PCYOX1: variants seen among roughly 807,000 people sequenced by gnomAD.
PCYOX1 encodes the protein prenylcysteine lyase.
PCYOX1 carries 46 observed loss-of-function variants against 46.4 expected under a neutral mutation model. That is an observed-to-expected ratio of 0.99 (90% CI 0.78 to 1.27). The LOEUF (loss-of-function observed/expected upper bound fraction) is 1.27, where lower values mean the gene tolerates loss of function less well. PCYOX1 is among the 50% of genes most tolerant of loss of function. The pLI is 0.00. For missense variants in PCYOX1, 658 were observed against 628.3 expected (o/e 1.05, Z -0.51); for synonymous variants, 220 against 231.8 (o/e 0.95, Z 0.46).
rs899784703 is a variant in PCYOX1, at chr2:70,275,796, A to G, written c.859+130A>G. 8 of 917,786 alleles carry G rather than the reference A, an allele frequency of 8.7e-6. No individual in the cohort carries two copies. In the Middle Eastern group the frequency reaches 1.3e-3, roughly 153 times the overall value. The allele number at this position is 917,786 out of a possible 1,614,324, so 56.9% of individuals were successfully genotyped here. On this transcript the variant is annotated intron_variant, in intron 5 of 5. Coordinates refer to ENST00000433351, the MANE Select transcript of PCYOX1 (RefSeq NM_016297.4). The stretch of plus-strand genomic sequence containing the variant: ...AACTTGAAATTGTATATATTGTACC[A>G]TATAGAAATATTCCCCAATGGGCCA...
At chr2:70,269,970 T>C (rs1348011035) in intron 3 of PCYOX1, among the ~76,000 whole-genome samples, 1 of 152,076 alleles carries the variant, frequency 6.6e-6, no homozygotes, top group African/African-American at 2.4e-5. Context: ...TTTTATTTTT[T>C]ATTTTTTTTT....
At position 70,275,007 on chromosome 2, in the gene PCYOX1, A is replaced by G. The variant is rs1290901101; in HGVS notation, c.543A>G (p.Lys181=). ...ACTATGCCTTCAGTAGTGTCGAAAA[A>G]TTACTTCATGCTCTAGGAGGAGATG... The part of the protein sequence containing the change: ...SHDYAFSSVE[K]LLHALGGDDF... The change falls in exon 4 of 6, where the codon AAA becomes AAG. Residue 181 remains lysine (K), a synonymous_variant. Coordinates refer to ENST00000433351, the MANE Select transcript of PCYOX1 (RefSeq NM_016297.4). The G allele has an allele frequency of 6.2e-7, 1 of 1,613,750 alleles. No individual in the cohort carries two copies.
rs538908688 is a variant in PCYOX1, at chr2:70,281,135, A to G, written c.*3743A>G. The G allele has an allele frequency of 6.6e-6, 1 of 152,250 alleles. No homozygotes were observed. The highest frequency in any genetic ancestry group is 1.9e-4 in the East Asian group (1 of 5,206). The allele number at this position is 152,250 out of a possible 1,614,324, so 9.4% of individuals were successfully genotyped here. Reference sequence around the variant, plus strand: ...GAATCCTCTTTCTACTCTTGTATTAAAATTTTTCCCCACTTCATGATTATA... The same window carrying G: ...GAATCCTCTTTCTACTCTTGTATTAGAATTTTTCCCCACTTCATGATTATA... On this transcript the variant is annotated 3_prime_UTR_variant, in exon 6 of 6. Transcript: ENST00000433351.
intron 2 of PCYOX1, among the ~76,000 whole-genome samples, chr2:70,260,217 C>T (rs1696416893): frequency 6.6e-6 from 1 of 152,096 alleles, no homozygotes; most frequent in South Asian, 2.1e-4. Context: ...TAAATGAGAC[C>T]CAGAGACTTG....
upstream of PCYOX1, chr2:70,258,110 C>G: frequency 7.1e-7 from 1 of 1,403,132 alleles, no homozygotes; most frequent in South Asian, 1.2e-5. Flanking sequence ...CGCAGCCGCG[C>G]AGCGGTGGGA....
chr2:70,265,261 G>A lies in PCYOX1; in HGVS notation c.494+3875G>A, dbSNP rs575422454. Reference sequence around the variant, plus strand: ...TCCGTCACCCAGGCTGGAGTACGGTGGTGCAATCACAGCTCACTGCAGCTT... The same window carrying A: ...TCCGTCACCCAGGCTGGAGTACGGTAGTGCAATCACAGCTCACTGCAGCTT... On this transcript the variant is annotated intron_variant, in intron 3 of 5. Coordinates refer to ENST00000433351, the MANE Select transcript of PCYOX1 (RefSeq NM_016297.4). Among the ~76,000 whole-genome samples the A allele has an allele frequency of 3.4e-5, 5 of 149,170 alleles. No individual in the cohort carries two copies. In the East Asian group the frequency reaches 9.9e-4, roughly 29 times the overall value.
In PCYOX1 at chr2:70,277,273, A is replaced by G. The variant is rs777063743; in HGVS notation, c.1399A>G (p.Met467Val). 1.1e-5 allele frequency: 18 copies of G among 1,614,020 alleles called. No homozygotes were observed. The Admixed American group carries it at 2.5e-4, about 22-fold the overall frequency. Residue 467 changes from methionine (M) to valine (V), a missense_variant, in exon 6 of 6, where the codon ATG becomes GTG. Met to Val is a conservative substitution (Grantham distance 21). Coordinates refer to ENST00000433351, the MANE Select transcript of PCYOX1 (RefSeq NM_016297.4). ...LNGIECAASA[M>V]EMSAIAAHNA... ...TGGCATAGAGTGTGCAGCAAGTGCC[A>G]TGGAGATGAGTGCCATTGCAGCCCA...
intron 3 of PCYOX1, among the ~76,000 whole-genome samples, chr2:70,272,030 A>G (rs1163951283): frequency 6.6e-6 from 1 of 152,190 alleles, no homozygotes; most frequent in African/African-American, 2.4e-5. Context: ...AAATAATGCA[A>G]CACCCTTAAA....
upstream of PCYOX1, chr2:70,257,994 C>G (rs536608012): frequency 2.1e-4 from 102 of 484,794 alleles, no homozygotes; most frequent in African/African-American, 2.0e-3. Context: ...GTGGGGAGCT[C>G]CTGCAGGGTT....
chr2:70,264,939 G>A (rs1181882392), intron 3 of PCYOX1, among the ~76,000 whole-genome samples: 1 of 152,000 alleles, frequency 6.6e-6, no homozygotes, highest in Admixed American at 6.6e-5. Context: ...AACCCAGGAA[G>A]CGGAGGTTGT....
upstream of PCYOX1, chr2:70,258,130 G>A (rs763448197): frequency 5.3e-6 from 8 of 1,511,118 alleles, no homozygotes; most frequent in Admixed American, 3.5e-5. Flanking sequence ...AGGACTGCGG[G>A]GCTCTTGAGG....
In PCYOX1 at chr2:70,277,239, T is replaced by C. The variant is rs1472042213; in HGVS notation, c.1365T>C (p.Tyr455=). The part of the protein sequence containing the change: ...CPSIILHDRL[Y]YLNGIECAAS... ...CTATCATTCTCCATGATCGACTTTA[T>C]TACCTCAATGGCATAGAGTGTGCAG... Residue 455 remains tyrosine, a synonymous_variant, in exon 6 of 6, where the codon TAT becomes TAC. Transcript: ENST00000433351. 6.2e-7 allele frequency: 1 copy of C among 1,614,164 alleles called. No individual in the cohort carries two copies. Among genetic ancestry groups the C allele is most frequent in the South Asian group, 1.1e-5 (1 of 91,086 alleles).
chr2:70,269,989 CTT>C (rs1696579697), intron 3 of PCYOX1, among the ~76,000 whole-genome samples: 1 of 151,676 alleles, frequency 6.6e-6, no homozygotes, highest in African/African-American at 2.4e-5. Context: ...TTCTCTCTCT[CTT>C]TTTCTCTTTC....
chr2:70,258,045 A>ACCGGGGCGGGGCTCGCAGGT, upstream of PCYOX1: 1 of 720,858 alleles, frequency 1.4e-6, no homozygotes, highest in Non-Finnish European at 2.1e-6. Flanking sequence ...GGCTCGCAGG[A>ACCGGGGCGGGGCTCGCAGGT]CCTGGGCGGG....
chr2:70,275,636 A>G lies in PCYOX1; in HGVS notation c.829A>G (p.Ile277Val). 2 of 1,614,136 alleles carry G rather than the reference A, an allele frequency of 1.2e-6. No individual in the cohort carries two copies. Among genetic ancestry groups the G allele is most frequent in the Non-Finnish European group, 1.7e-6 (2 of 1,180,014 alleles). ...SNLISGSVMY[I>V]EEKTKTKYTG... ...TCTTATATCTGGCTCAGTAATGTACATCGAGGAGAAAACAAAGACCAAGTA... is the reference window on the plus strand; with the variant it reads ...TCTTATATCTGGCTCAGTAATGTACGTCGAGGAGAAAACAAAGACCAAGTA... Residue 277 changes from isoleucine to valine, a missense_variant, in exon 5 of 6, where the codon ATC (isoleucine) becomes GTC (valine). Coordinates refer to ENST00000433351, the MANE Select transcript of PCYOX1 (RefSeq NM_016297.4).
chr2:70,260,991 AC>A (rs1696427614), intron 2 of PCYOX1, among the ~76,000 whole-genome samples: 1 of 152,136 alleles, frequency 6.6e-6, no homozygotes, highest in African/African-American at 2.4e-5. Context: ...AAATATATCT[AC>A]TTTTGATATA....
At chr2:70,258,067 C>T (rs1696369778), upstream of PCYOX1, 1 of 974,142 alleles carries the variant, frequency 1.0e-6, no homozygotes, top group Admixed American at 3.1e-5. Flanking sequence ...CTCGCAGGGG[C>T]TGGGCGGCCT....
At position 70,275,636 on chromosome 2, in the gene PCYOX1, A is replaced by T; in HGVS notation, c.829A>T (p.Ile277Phe). ...TCTTATATCTGGCTCAGTAATGTAC[A>T]TCGAGGAGAAAACAAAGACCAAGTA... Reference protein sequence around the residue: ...SNLISGSVMYIEEKTKTKYTG... With the variant: ...SNLISGSVMYFEEKTKTKYTG... The change falls in exon 5 of 6, where the codon ATC becomes TTC. Residue 277 changes from isoleucine to phenylalanine, a missense_variant. Transcript: ENST00000433351. The T allele has an allele frequency of 6.2e-7, 1 of 1,614,136 alleles. No individual in the cohort carries two copies. Among genetic ancestry groups the T allele is most frequent in the Non-Finnish European group, 8.5e-7 (1 of 1,180,014 alleles).
rs146592539 is a variant in PCYOX1, at chr2:70,264,084, T to C, written c.494+2698T>C. ...CTCAGGGGATCTGCCTACCTTAGCC[T>C]CTGTGTAGCTGGGACTACAGGCACG... On this transcript the variant is annotated intron_variant, in intron 3 of 5. Transcript: ENST00000433351. 1.2e-3 allele frequency among the ~76,000 whole-genome samples: 171 copies of C among 148,338 alleles called. 2 individuals are homozygous for C. In the East Asian group the frequency reaches 0.03, roughly 26 times the overall value.
Sources: allele counts gnomAD v4.1 joint callset (sites outside exome capture counted in the v4.1 genomes callset), GRCh38; gene constraint gnomAD v4.1.1; transcripts MANE v1.5; gene names NCBI Gene and HGNC (gene_info 2026-07-23, HGNC 2026-07-21).